RASEF: variants seen among roughly 807,000 people sequenced by gnomAD.
RASEF encodes the protein RAS and EF-hand domain containing.
Under a neutral mutation model 90.1 loss-of-function variants are expected in RASEF, and 68 were observed. That is an observed-to-expected ratio of 0.75 (90% CI 0.62 to 0.92). The LOEUF (loss-of-function observed/expected upper bound fraction) is 0.92, where lower values mean the gene tolerates loss of function less well. Among genes scored for constraint, RASEF ranks in the 40% least tolerant of loss-of-function variants. RASEF has a pLI of 0.00. For synonymous variants in RASEF, 331 were observed against 345.2 expected (o/e 0.96, Z 0.46); for missense variants, 949 against 937.2 (o/e 1.01, Z -0.16).
the RASEF span, among the ~76,000 whole-genome samples, chr9:83,139,326 A>G: frequency 0.88 from 134,202 of 152,208 alleles, 59,465 homozygotes; most frequent in African/African-American, 0.97. Flanking sequence ...CTTGGGCTCC[A>G]ACCCTGGTCC....
At chr9:82,987,155 A>T (rs1828723871) in intron 16 of RASEF, among the ~76,000 whole-genome samples, 1 of 152,208 alleles carries the variant, frequency 6.6e-6, no homozygotes, top group South Asian at 2.1e-4. Context: ...ACAAATGGTA[A>T]TTTTACCTGT....
At chr9:83,151,955 C>T in the RASEF span, among the ~76,000 whole-genome samples, 1 of 152,116 alleles carries the variant, frequency 6.6e-6, no homozygotes, top group African/African-American at 2.4e-5. Context: ...CAAAACACGG[C>T]GTCGCAAAAC....
chr9:83,137,436 T>TG, the RASEF span, among the ~76,000 whole-genome samples: 2 of 152,184 alleles, frequency 1.3e-5, no homozygotes, highest in African/African-American at 4.8e-5. Context: ...GTGAAATATC[T>TG]GTATTAAAAG....
At position 83,007,760 on chromosome 9, in the gene RASEF, G is replaced by C. The variant is rs79834970; in HGVS notation, c.960-255C>G. ...CCCCGCCTCCGACATCACAAGCCTA[G>C]AGCTTCTCCTCCTCAGCCCATCTCA... On this transcript the variant is annotated intron_variant, in intron 6 of 16. Transcript: ENST00000376447. Among the ~76,000 whole-genome samples the C allele has an allele frequency of 7.2e-3, 1,094 of 152,094 alleles. 13 individuals are homozygous for C. Among genetic ancestry groups the C allele is most frequent in the African/African-American group, 0.025 (1,035 of 41,504 alleles).
the RASEF span, among the ~76,000 whole-genome samples, chr9:83,085,723 A>G: frequency 1.3e-5 from 2 of 152,096 alleles, no homozygotes; most frequent in Non-Finnish European, 2.9e-5. Context: ...TCAGGAGTTC[A>G]AGACCAGCCT....
At chr9:83,116,836 G>A in the RASEF span, among the ~76,000 whole-genome samples, 1 of 152,206 alleles carries the variant, frequency 6.6e-6, no homozygotes, top group East Asian at 1.9e-4. Flanking sequence ...TAAAGAATAG[G>A]CATTCTGTAA....
At chr9:83,038,999 T>C (rs1829791115) in intron 1 of RASEF, among the ~76,000 whole-genome samples, 1 of 152,244 alleles carries the variant, frequency 6.6e-6, no homozygotes, top group Non-Finnish European at 1.5e-5. Flanking sequence ...TTTTCTTGAC[T>C]GATTTCACAT....
chr9:83,000,792 T>A (rs1388992987), intron 10 of RASEF, 104 bp downstream of exon 10: 1 of 1,070,620 alleles, frequency 9.3e-7, no homozygotes, highest in Non-Finnish European at 1.4e-6. Flanking sequence ...ATGCTTTACA[T>A]CTATGACCTT....
the RASEF span, among the ~76,000 whole-genome samples, chr9:83,082,048 C>T: frequency 4.6e-5 from 7 of 152,100 alleles, no homozygotes; most frequent in Admixed American, 3.3e-4. Flanking sequence ...AGACACCCAG[C>T]GTCAGTAAGA....
At chr9:83,027,735 C>A (rs930204735) in intron 1 of RASEF, among the ~76,000 whole-genome samples, 5 of 152,144 alleles carry the variant, frequency 3.3e-5, no homozygotes, top group Non-Finnish European at 7.3e-5. Flanking sequence ...GATTCACCGA[C>A]AGGAATGTAG....
At chr9:83,177,186 C>T in the RASEF span, among the ~76,000 whole-genome samples, 14 of 152,204 alleles carry the variant, frequency 9.2e-5, no homozygotes, top group South Asian at 2.9e-3. Context: ...TTTATAATTA[C>T]ATAATTACCT....
At position 82,982,715 on chromosome 9, in the gene RASEF, T is replaced by C. The variant is rs372237565; in HGVS notation, c.2185A>G (p.Lys729Glu). The change falls in exon 17 of 17, where the codon AAA becomes GAA. Residue 729 changes from lysine to glutamate, a missense_variant. Lys to Glu is a moderately conservative substitution (Grantham distance 56). Coordinates refer to ENST00000376447, the MANE Select transcript of RASEF (RefSeq NM_152573.4). Reference protein sequence around the residue: ...SITNLTGTNSKKSPQMKNCCN... With the variant: ...SITNLTGTNSEKSPQMKNCCN... The stretch of plus-strand genomic sequence containing the variant: ...CAATTCTTCATCTGTGGTGACTTTT[T>C]GGAATTGGTCCCGGTTAGATTGGTA... The C allele has an allele frequency of 1.2e-6, 2 of 1,611,114 alleles. No homozygotes were observed. The highest frequency in any genetic ancestry group is 4.5e-5 in the East Asian group (2 of 44,848).
At chr9:83,097,043 T>C in the RASEF span, among the ~76,000 whole-genome samples, 2 of 152,140 alleles carry the variant, frequency 1.3e-5, no homozygotes, top group African/African-American at 2.4e-5. Context: ...TGTTGGACAT[T>C]TGGGTTGGTT....
intron 1 of RASEF, among the ~76,000 whole-genome samples, chr9:83,059,514 C>T (rs1830168857): frequency 6.6e-6 from 1 of 152,144 alleles, no homozygotes; most frequent in South Asian, 2.1e-4. Flanking sequence ...TACTGAGTAT[C>T]TCCTGAGTAT....
chr9:83,087,742 T>C, the RASEF span, among the ~76,000 whole-genome samples: 10 of 152,142 alleles, frequency 6.6e-5, no homozygotes, highest in African/African-American at 2.4e-4. Context: ...TCATTTTTTC[T>C]ATTGTGTTTC....
rs550878881 is a variant in RASEF at position 82,981,284 on chromosome 9, A to G, written c.*1393T>C. ...AGGCATCTCAGTGGGGAGGTCTGGG[A>G]AGCAATGCAGGTTCTGGAAGGAGAG... is the stretch of plus-strand genomic sequence containing the variant. On this transcript the variant is annotated 3_prime_UTR_variant, in exon 17 of 17. Coordinates refer to ENST00000376447, the MANE Select transcript of RASEF (RefSeq NM_152573.4). 16 of 152,246 alleles carry G rather than the reference A, an allele frequency of 1.1e-4. No individual in the cohort carries two copies. In the East Asian group the frequency reaches 3.1e-3, roughly 29 times the overall value. The allele number at this position is 152,246 out of a possible 1,614,324, so 9.4% of individuals were successfully genotyped here.
upstream of RASEF, among the ~76,000 whole-genome samples, chr9:83,066,802 A>ATTT (rs1229952472): frequency 2.1e-3 from 325 of 152,372 alleles, 2 homozygotes; most frequent in African/African-American, 7.1e-3. Flanking sequence ...TATTCCTTTG[A>ATTT]GATAAAGCTG....
At chr9:83,056,001 GTA>G (rs1356570093) in intron 1 of RASEF, among the ~76,000 whole-genome samples, 1 of 152,060 alleles carries the variant, frequency 6.6e-6, no homozygotes, top group Non-Finnish European at 1.5e-5. Flanking sequence ...AGGGTCAGGT[GTA>G]TATATATAGT....
rs375907525 is a variant in RASEF, at chr9:83,004,028, G to A, written c.1202+470C>T. ...AAGCCTCTGTGACTCCTTCAATACA[G>A]TAGCTATTTTACAAGGATCTACTAG... On this transcript the variant is annotated intron_variant, in intron 9 of 16. Transcript: ENST00000376447. 4.6e-5 allele frequency among the ~76,000 whole-genome samples: 7 copies of A among 152,220 alleles called. No homozygotes were observed. The East Asian group carries it at 9.7e-4, about 21-fold the overall frequency.
Sources: gnomAD v4.1 joint callset for allele counts (sites outside exome capture counted in the v4.1 genomes callset) on GRCh38, gnomAD v4.1.1 for gene constraint, MANE v1.5 for transcripts, NCBI Gene and HGNC (gene_info 2026-07-23, HGNC 2026-07-21) for gene names.